PCED1B: variants seen among roughly 807,000 people sequenced by gnomAD.
PCED1B encodes PC-esterase domain containing 1B, also known as PC-esterase domain-containing protein 1B.
For synonymous variants in PCED1B, 251 were observed against 246.1 expected (o/e 1.02, Z -0.19); for missense variants, 573 against 573.9 (o/e 1.00, Z 0.02).
intron 2 of PCED1B, among the ~76,000 whole-genome samples, chr12:47,171,176 C>T (rs7297792): frequency 0.56 from 84,844 of 150,852 alleles, 25,120 homozygotes; most frequent in South Asian, 0.66. Context: ...CAAGCGATTG[C>T]TCTGCCTCAG....
At chr12:47,211,969 G>A (rs979214472) in intron 2 of PCED1B, among the ~76,000 whole-genome samples, 1 of 151,542 alleles carries the variant, frequency 6.6e-6, no homozygotes, top group African/African-American at 2.4e-5. Context: ...CAGCTACTTG[G>A]GAGGCTGAGG....
chr12:47,113,923 C>A (rs1477558059), intron 2 of PCED1B, among the ~76,000 whole-genome samples: 1 of 150,894 alleles, frequency 6.6e-6, no homozygotes, highest in Non-Finnish European at 1.5e-5. Context: ...TGCACTCCAG[C>A]CTGAGTGACA....
At chr12:47,101,838 G>A (rs1023650055) in intron 1 of PCED1B, among the ~76,000 whole-genome samples, 8 of 151,862 alleles carry the variant, frequency 5.3e-5, no homozygotes, top group African/African-American at 9.7e-5. Context: ...CCCAGCTACC[G>A]GGGAAGCTGA....
chr12:47,176,878 G>A (rs1426920635), intron 2 of PCED1B, among the ~76,000 whole-genome samples: 2 of 151,900 alleles, frequency 1.3e-5, no homozygotes, highest in African/African-American at 4.8e-5. Context: ...ACCCACTAAT[G>A]TATTGTTCAC....
intron 1 of PCED1B, among the ~76,000 whole-genome samples, chr12:47,097,172 C>A (rs1019466749): frequency 6.6e-6 from 1 of 152,162 alleles, no homozygotes; most frequent in African/African-American, 2.4e-5. Flanking sequence ...GAACTGAAGT[C>A]TCCTGAGGCC....
intron 2 of PCED1B, among the ~76,000 whole-genome samples, chr12:47,192,931 T>C (rs138570234): frequency 6.6e-6 from 1 of 152,202 alleles, no homozygotes; most frequent in Non-Finnish European, 1.5e-5. Context: ...CTAGCTCCAA[T>C]GTCCATTCTT....
At chr12:47,144,229 T>C (rs994685236) in intron 2 of PCED1B, among the ~76,000 whole-genome samples, 6 of 152,124 alleles carry the variant, frequency 3.9e-5, no homozygotes, top group Non-Finnish European at 7.4e-5. Flanking sequence ...AGCAATGCAC[T>C]GAAATGTGGG....
rs757872281 is a variant in PCED1B at position 47,216,301 on chromosome 12, T to A, written c.-446T>A. 3 of 152,168 alleles carry A rather than the reference T, an allele frequency of 2.0e-5. No individual in the cohort carries two copies. The highest frequency in any genetic ancestry group is 2.9e-5 in the Non-Finnish European group (2 of 68,038). The allele number at this position is 152,168 out of a possible 1,614,324, so 9.4% of individuals were successfully genotyped here. ...AATCAAAGGAAGAGTCAAAATAAGC[T>A]ACACCCAGATTACTGAGAAAGGTGA... On this transcript the variant is annotated 5_prime_UTR_variant, in exon 3 of 4. Transcript: ENST00000546455.
chr12:47,126,153 G>GA (rs202184019), intron 2 of PCED1B, among the ~76,000 whole-genome samples: 3 of 151,894 alleles, frequency 2.0e-5, no homozygotes, highest in African/African-American at 4.8e-5. Flanking sequence ...TTTCTGTAAA[G>GA]AAAAAAAATT....
At position 47,234,845 on chromosome 12, in the gene PCED1B, TC is replaced by T. The variant is rs1943920868; in HGVS notation, c.-57-160del. Among the ~76,000 whole-genome samples the T allele has an allele frequency of 2.0e-5, 3 of 152,130 alleles. No individual in the cohort carries two copies. In the South Asian group the frequency reaches 6.2e-4, roughly 32 times the overall value. Reference sequence around the variant, plus strand: ...CCTGCCCTCTCGCCAATCTCCCAGGTCCGGGCTTGGTGGAGCCTGTTATGCG... The same window carrying T: ...CCTGCCCTCTCGCCAATCTCCCAGGTCGGGCTTGGTGGAGCCTGTTATGCG... On this transcript the variant is annotated intron_variant, in intron 3 of 3. Coordinates refer to ENST00000546455, the MANE Select transcript of PCED1B (RefSeq NM_138371.3).
intron 2 of PCED1B, among the ~76,000 whole-genome samples, chr12:47,195,437 T>C (rs1942576062): frequency 6.6e-6 from 1 of 152,174 alleles, no homozygotes; most frequent in Admixed American, 6.5e-5. Flanking sequence ...ATATTAATTA[T>C]GTGTACAATC....
chr12:47,105,112 G>A, intron 2 of PCED1B, among the ~76,000 whole-genome samples: 1 of 152,210 alleles, frequency 6.6e-6, no homozygotes, highest in East Asian at 1.9e-4. Flanking sequence ...GCTTCAGGCT[G>A]TGGACCTTAC....
At chr12:47,154,779 ATGTG>A (rs3989869) in intron 2 of PCED1B, among the ~76,000 whole-genome samples, 45,913 of 146,520 alleles carry the variant, frequency 0.31, 7,355 homozygotes, top group East Asian at 0.56. Flanking sequence ...GTGTGTGTGC[ATGTG>A]TGTGTGTGTG....
chr12:47,215,220 ACTTAT>A (rs1040241321), intron 2 of PCED1B, among the ~76,000 whole-genome samples: 6 of 150,012 alleles, frequency 4.0e-5, no homozygotes, highest in Admixed American at 2.0e-4. Context: ...AAATGCCTAC[ACTTAT>A]CTAATCAATC....
chr12:47,164,999 T>C (rs575398596), intron 2 of PCED1B, among the ~76,000 whole-genome samples: 2 of 152,228 alleles, frequency 1.3e-5, no homozygotes, highest in Non-Finnish European at 2.9e-5. Context: ...AGGCTTCCTC[T>C]GGCTTCCTCT....
At chr12:47,097,198 T>G (rs1938514906) in intron 1 of PCED1B, among the ~76,000 whole-genome samples, 1 of 152,206 alleles carries the variant, frequency 6.6e-6, no homozygotes, top group Non-Finnish European at 1.5e-5. Context: ...TGATCTTCTA[T>G]CTGTATCAAC....
intron 3 of PCED1B, among the ~76,000 whole-genome samples, chr12:47,224,766 A>G (rs966100950): frequency 6.6e-6 from 1 of 152,210 alleles, no homozygotes; most frequent in Non-Finnish European, 1.5e-5. Flanking sequence ...CCAAATGTGC[A>G]GTAACAGCTG....
intron 2 of PCED1B, among the ~76,000 whole-genome samples, chr12:47,120,727 G>A (rs958020978): frequency 3.3e-5 from 5 of 152,056 alleles, no homozygotes; most frequent in Admixed American, 6.6e-5. Flanking sequence ...ACTTGAACCC[G>A]GGAGGCAGAG....
intron 3 of PCED1B, among the ~76,000 whole-genome samples, chr12:47,217,695 G>C (rs1943342079): frequency 6.6e-6 from 1 of 152,044 alleles, no homozygotes; most frequent in Non-Finnish European, 1.5e-5. Context: ...TTGTGCCTCA[G>C]CCTCCCAAGT....
Sources: allele counts gnomAD v4.1 joint callset (sites outside exome capture counted in the v4.1 genomes callset), GRCh38; gene constraint gnomAD v4.1.1; transcripts MANE v1.5; gene names NCBI Gene and HGNC (gene_info 2026-07-23, HGNC 2026-07-21).